ABCG1: variants seen among roughly 807,000 people sequenced by gnomAD.
ABCG1 encodes the protein ATP binding cassette subfamily G member 1.
Under a neutral mutation model 69.2 loss-of-function variants are expected in ABCG1, and 29 were observed. The ratio of observed to expected loss-of-function variants is 0.42; its 90% confidence interval spans 0.31 to 0.57. The LOEUF (loss-of-function observed/expected upper bound fraction) is 0.57. ABCG1 is among the 20% of genes least tolerant of loss of function. The pLI, the probability that ABCG1 is intolerant of heterozygous loss-of-function variation, is 0.15. For synonymous variants in ABCG1, 370 were observed against 374.8 expected (o/e 0.99, Z 0.15); for missense variants, 718 against 898.1 (o/e 0.80, Z 2.56).
rs1203508324 is a variant in ABCG1 at position 42,219,529 on chromosome 21, G to A, written c.42+225G>A. Reference sequence around the variant, plus strand: ...GCCCCTTGCACCGGCAGAGAGCACGGACTAGGTGGAGGGGCCGGGAGTGGG... The same window carrying A: ...GCCCCTTGCACCGGCAGAGAGCACGAACTAGGTGGAGGGGCCGGGAGTGGG... On this transcript the variant is annotated intron_variant, in intron 1 of 14. Transcript: ENST00000398449. The surrounding 1 kb of genome is among the most constrained non-coding windows in gnomAD (Gnocchi z 5.3). Among the ~76,000 whole-genome samples, 2 of 152,190 alleles carry A rather than the reference G, an allele frequency of 1.3e-5. No individual in the cohort carries two copies. The highest frequency in any genetic ancestry group is 2.9e-5 in the Non-Finnish European group (2 of 68,028).
At position 42,288,426 on chromosome 21, in the gene ABCG1, G is replaced by A. The variant is rs913608852; in HGVS notation, c.1224+114G>A. 2 of 780,976 alleles carry A rather than the reference G, an allele frequency of 2.6e-6. No homozygotes were observed. Among genetic ancestry groups the A allele is most frequent in the African/African-American group, 1.7e-5 (1 of 58,058 alleles). 48.4% of individuals were successfully genotyped at this position (780,976 alleles called of 1,614,324 possible). ...CACATTGCTATAAAGAAATTCATGAGGCCAGGCATGGTGACTCATGTCTGT... is the reference window on the plus strand; with the variant it reads ...CACATTGCTATAAAGAAATTCATGAAGCCAGGCATGGTGACTCATGTCTGT... On this transcript the variant is annotated intron_variant, in intron 10 of 14. Coordinates refer to ENST00000398449, the MANE Select transcript of ABCG1 (RefSeq NM_016818.3). This position sits in a 1 kb window ranked among gnomAD's most constrained non-coding sequence, Gnocchi z 4.8.
intron 2 of ABCG1, chr21:42,260,074 T>C: frequency 6.4e-7 from 1 of 1,550,614 alleles, no homozygotes; most frequent in Non-Finnish European, 8.7e-7. Flanking sequence ...GGCAAAGTCT[T>C]GTCAGCAGCT....
At chr21:42,233,464 T>C (rs111903376) in intron 2 of ABCG1, among the ~76,000 whole-genome samples, 51 of 152,328 alleles carry the variant, frequency 3.3e-4, no homozygotes, top group Non-Finnish European at 5.0e-4. Context: ...CGGGCTATGT[T>C]TGCACAACCC....
chr21:42,210,214 A>G (rs8130198), intron 2 of ABCG1, among the ~76,000 whole-genome samples: 3,870 of 152,240 alleles, frequency 0.025, 162 homozygotes, highest in African/African-American at 0.087. Flanking sequence ...TGGGTTGTGT[A>G]TCTTTTCCAG....
In ABCG1 at chr21:42,296,704, A is replaced by G. The variant is rs1235026407; in HGVS notation, c.*312A>G. ...AAGCTGCAACACAGCTGGTGATGAG[A>G]GGCTTCCTCAGTCCAGTCGCTCCTT... On this transcript the variant is annotated 3_prime_UTR_variant, in exon 15 of 15. Coordinates refer to ENST00000398449, the MANE Select transcript of ABCG1 (RefSeq NM_016818.3). This position sits in a 1 kb window ranked among gnomAD's most constrained non-coding sequence, Gnocchi z 5.4. The G allele has an allele frequency of 2.6e-6, 1 of 385,492 alleles. No individual in the cohort carries two copies. The highest frequency in any genetic ancestry group is 5.5e-5 in the East Asian group (1 of 18,220). 23.9% of individuals were successfully genotyped at this position (385,492 alleles called of 1,614,324 possible).
At chr21:42,248,242 T>G (rs972557276) in intron 2 of ABCG1, among the ~76,000 whole-genome samples, 1 of 152,250 alleles carries the variant, frequency 6.6e-6, no homozygotes, top group South Asian at 2.1e-4. Flanking sequence ...CTCTGTAAAA[T>G]CTGGAAAGAT....
At chr21:42,245,859 C>A (rs1402382872) in intron 2 of ABCG1, among the ~76,000 whole-genome samples, 1 of 152,000 alleles carries the variant, frequency 6.6e-6, no homozygotes, top group East Asian at 1.9e-4. Context: ...GGGGAGGGGG[C>A]ACCAGGCAGC....
chr21:42,281,156 A>AGTGGAAATTTTCTTC (rs1289225707), intron 5 of ABCG1, among the ~76,000 whole-genome samples: 12 of 152,332 alleles, frequency 7.9e-5, no homozygotes, highest in South Asian at 6.2e-4. Context: ...AGAAGCTCAG[A>AGTGGAAATTTTCTTC]GTGGAAATTT....
intron 2 of ABCG1, among the ~76,000 whole-genome samples, chr21:42,265,644 G>A (rs413650): frequency 0.56 from 84,874 of 151,714 alleles, 24,511 homozygotes; most frequent in African/African-American, 0.71. Flanking sequence ...CCAGCCTCCG[G>A]GGCTGTGAGA....
chr21:42,240,422 G>A (rs569153212), intron 2 of ABCG1, among the ~76,000 whole-genome samples: 31 of 152,344 alleles, frequency 2.0e-4, no homozygotes, highest in Non-Finnish European at 3.5e-4. Flanking sequence ...AATGTTTACT[G>A]CCTTCACACT....
intron 2 of ABCG1, among the ~76,000 whole-genome samples, chr21:42,267,776 G>C (rs1011788203): frequency 1.3e-5 from 2 of 151,446 alleles, no homozygotes; most frequent in Admixed American, 6.6e-5. Context: ...TGTGGTCTGG[G>C]TTCTGTCTGG....
chr21:42,248,976 A>G (rs1471468571), intron 2 of ABCG1, among the ~76,000 whole-genome samples: 2 of 152,170 alleles, frequency 1.3e-5, no homozygotes, highest in African/African-American at 4.8e-5. Flanking sequence ...AGCCCAGAAA[A>G]GAAATGAAGC....
chr21:42,268,017 G>C (rs1161109686), intron 2 of ABCG1, among the ~76,000 whole-genome samples: 1 of 152,188 alleles, frequency 6.6e-6, no homozygotes. Context: ...GCTCTGGTCT[G>C]GGCTACCATC....
At chr21:42,282,723 T>G (rs1445894367) in intron 6 of ABCG1, among the ~76,000 whole-genome samples, 1 of 152,242 alleles carries the variant, frequency 6.6e-6, no homozygotes, top group East Asian at 1.9e-4. Flanking sequence ...TCAGCCACTC[T>G]GAGGGCCAAG....
chr21:42,254,611 G>A (rs773375244), intron 2 of ABCG1, among the ~76,000 whole-genome samples: 7 of 152,244 alleles, frequency 4.6e-5, no homozygotes, highest in Admixed American at 6.5e-5. Flanking sequence ...TGATCAGCGC[G>A]TGGCTTTGCC....
intron 2 of ABCG1, among the ~76,000 whole-genome samples, chr21:42,228,811 C>T (rs2067857912): frequency 6.6e-6 from 1 of 152,250 alleles, no homozygotes; most frequent in Non-Finnish European, 1.5e-5. Flanking sequence ...GAAGCCCTCT[C>T]TGTGCCCACT....
intron 2 of ABCG1, chr21:42,201,790 A>G: frequency 1.2e-6 from 2 of 1,610,108 alleles, no homozygotes; most frequent in East Asian, 4.5e-5. Flanking sequence ...GCTTGTTTCA[A>G]CTCGTTCCGT....
chr21:42,251,511 T>C (rs1301671819), intron 2 of ABCG1, among the ~76,000 whole-genome samples: 1 of 150,374 alleles, frequency 6.7e-6, no homozygotes, highest in Non-Finnish European at 1.5e-5. Context: ...GCCACAAAAC[T>C]GGCTCGATGA....
chr21:42,257,355 C>T lies in ABCG1; in HGVS notation c.287-13715C>T, dbSNP rs184752648. Among the ~76,000 whole-genome samples the T allele has an allele frequency of 6.2e-4, 94 of 152,308 alleles. No individual in the cohort carries two copies. The East Asian group carries it at 9.5e-3, about 15-fold the overall frequency. ...GTCTATGTAGAATATCCATGGCACC[C>T]GCAGCCTCTGCAGCATCTGGCCTGA... On this transcript the variant is annotated intron_variant, in intron 2 of 14. Transcript: ENST00000398449.
Sources: allele counts gnomAD v4.1 joint callset (sites outside exome capture counted in the v4.1 genomes callset), GRCh38; gene constraint gnomAD v4.1.1; non-coding constraint Gnocchi (gnomAD v3.1); transcripts MANE v1.5; gene names NCBI Gene and HGNC (gene_info 2026-07-23, HGNC 2026-07-21).